The following CHD9 variants were observed in gnomAD, a reference collection of about 807,000 sequenced individuals.
The protein encoded by CHD9 is chromodomain helicase DNA binding protein 9.
In CHD9, 77 loss-of-function variants were observed where a neutral mutation model predicts 316.1. The ratio of observed to expected loss-of-function variants is 0.24; its 90% CI spans 0.20 to 0.29. The LOEUF (loss-of-function observed/expected upper bound fraction) is 0.29. Ranked by LOEUF, CHD9 falls within the 10% of genes least tolerant of loss-of-function variation. The probability of loss-of-function intolerance (pLI) is 1.00; values close to 1 mark genes in which losing one functional copy is unlikely to be tolerated. For missense variants in CHD9, 2,763 were observed against 3,438.1 expected, an observed-to-expected ratio of 0.80 and a Z score of 4.91; for synonymous variants, 1,129 against 1,158.3, an observed-to-expected ratio of 0.97 and a Z score of 0.51.
intron 24 of CHD9, among the ~76,000 whole-genome samples, chr16:53,279,789 T>G (rs1474387789): frequency 1.3e-5 from 2 of 151,552 alleles, no homozygotes; most frequent in Non-Finnish European, 2.9e-5. Flanking sequence ...GACAAAGGAC[T>G]ACTAATATCC....
intron 2 of CHD9, among the ~76,000 whole-genome samples, chr16:53,160,241 G>T (rs1246603411): frequency 2.0e-5 from 3 of 152,116 alleles, no homozygotes; most frequent in Non-Finnish European, 4.4e-5. Context: ...ATTCTCCTAA[G>T]ACTTTATCAT....
At chr16:53,213,832 T>C (rs2046524395) in intron 3 of CHD9, among the ~76,000 whole-genome samples, 3 of 152,216 alleles carry the variant, frequency 2.0e-5, no homozygotes. Flanking sequence ...TGCTTTTGGT[T>C]ACTTAAAAAT....
In CHD9 at chr16:53,325,924, G is replaced by A. The variant is rs957383751; in HGVS notation, c.*1029G>A. On this transcript the variant is annotated 3_prime_UTR_variant, in exon 39 of 39. Transcript: ENST00000447540. ...GATAATAGTGGTAAAGTAATATGCAGATAGTCTAAATTCATTTTGAGTTTC... is the reference window on the plus strand; with the variant it reads ...GATAATAGTGGTAAAGTAATATGCAAATAGTCTAAATTCATTTTGAGTTTC... 6.6e-6 allele frequency: 1 copy of A among 152,528 alleles called. No homozygotes were observed. The highest frequency in any genetic ancestry group is 1.5e-5 in the Non-Finnish European group (1 of 67,964). 9.4% of individuals were successfully genotyped at this position (152,528 alleles called of 1,614,324 possible). A position where few individuals can be genotyped will look rare whatever the true frequency, so the allele number is the denominator to read the frequency against.
intron 19 of CHD9, among the ~76,000 whole-genome samples, chr16:53,261,475 G>C (rs2051123850): frequency 6.9e-6 from 1 of 145,736 alleles, no homozygotes; most frequent in Non-Finnish European, 1.5e-5. Flanking sequence ...CTGGGGTCAA[G>C]TGACCCACCC....
intron 2 of CHD9, among the ~76,000 whole-genome samples, chr16:53,205,388 T>G (rs1324832960): frequency 6.6e-6 from 1 of 152,010 alleles, no homozygotes; most frequent in Non-Finnish European, 1.5e-5. Flanking sequence ...AGAAAGTTAA[T>G]AAAGCAGGAG....
intron 18 of CHD9, 148 bp downstream of exon 18, chr16:53,254,753 T>C: frequency 1.8e-6 from 1 of 550,228 alleles, no homozygotes; most frequent in Non-Finnish European, 3.1e-6. Context: ...AGAGCTATGT[T>C]TAGTTAATAC....
chr16:53,213,579 A>G (rs1280572722), intron 3 of CHD9, among the ~76,000 whole-genome samples: 1 of 152,224 alleles, frequency 6.6e-6, no homozygotes, highest in Non-Finnish European at 1.5e-5. Context: ...ACAGGGATAT[A>G]ACTAATAGTT....
At chr16:53,147,114 A>G (rs73599555) in intron 1 of CHD9, among the ~76,000 whole-genome samples, 7 of 152,122 alleles carry the variant, frequency 4.6e-5, no homozygotes, top group African/African-American at 1.7e-4. Flanking sequence ...TTAAGATAAT[A>G]TGTAAACTAT....
chr16:53,311,835 T>C (rs1217831778), intron 34 of CHD9: 1 of 152,238 alleles, frequency 6.6e-6, no homozygotes, highest in Non-Finnish European at 1.5e-5. Flanking sequence ...TAAAATGAGC[T>C]TAATAATCCC....
At position 53,227,864 on chromosome 16, in the gene CHD9, T is replaced by C. The variant is rs549842943; in HGVS notation, c.2168+261T>C. 1.8e-3 allele frequency among the ~76,000 whole-genome samples: 269 copies of C among 152,134 alleles called. 3 individuals are homozygous for C. The highest frequency in any genetic ancestry group is 6.1e-3 in the African/African-American group (254 of 41,512). ...ACTTTGGGAGGCCAAGGCGGTCATA[T>C]CACGAGGTGAAGAGATCGAGACCAT... is the stretch of plus-strand genomic sequence containing the variant. On this transcript the variant is annotated intron_variant, in intron 7 of 38. Transcript: ENST00000447540.
intron 1 of CHD9, among the ~76,000 whole-genome samples, chr16:53,127,106 C>T (rs553883988): frequency 3.9e-5 from 6 of 152,310 alleles, no homozygotes; most frequent in African/African-American, 1.2e-4. Flanking sequence ...AGGAACATGC[C>T]ACCATGCCCA....
At chr16:53,289,298 G>A (rs2054135245) in intron 27 of CHD9, among the ~76,000 whole-genome samples, 1 of 152,174 alleles carries the variant, frequency 6.6e-6, no homozygotes, top group Non-Finnish European at 1.5e-5. Context: ...GCTCACGCCT[G>A]TAATCCCAGC....
intron 1 of CHD9, among the ~76,000 whole-genome samples, chr16:53,107,438 C>T (rs1299617571): frequency 1.4e-5 from 2 of 147,572 alleles, no homozygotes; most frequent in African/African-American, 5.1e-5. Context: ...CCAGCCTGGG[C>T]AACAGAGTGA....
chr16:53,208,285 A>C, intron 2 of CHD9: 1 of 1,271,542 alleles, frequency 7.9e-7, no homozygotes, highest in African/African-American at 1.5e-5. Flanking sequence ...GGTGGTGAAA[A>C]AGCAGAGGGC....
chr16:53,132,512 C>G (rs1036679758), intron 1 of CHD9, among the ~76,000 whole-genome samples: 2 of 152,206 alleles, frequency 1.3e-5, no homozygotes, highest in South Asian at 4.1e-4. Context: ...ACCACTAGGT[C>G]TGCAAACACT....
intron 2 of CHD9, among the ~76,000 whole-genome samples, chr16:53,174,684 G>C (rs534964473): frequency 4.6e-5 from 7 of 152,224 alleles, no homozygotes; most frequent in South Asian, 4.1e-4. Context: ...TCATGGCTCT[G>C]TGCAGCTTCA....
chr16:53,074,623 C>T (rs1350372941), intron 1 of CHD9, among the ~76,000 whole-genome samples: 1 of 152,198 alleles, frequency 6.6e-6, no homozygotes, highest in African/African-American at 2.4e-5. Flanking sequence ...TGAAAGGGGT[C>T]AATGTAGAGC....
At chr16:53,323,063 A>G (rs2057377870) in intron 38 of CHD9, among the ~76,000 whole-genome samples, 1 of 152,226 alleles carries the variant, frequency 6.6e-6, no homozygotes, top group South Asian at 2.1e-4. Context: ...TGTCACAAAC[A>G]GTAGCCCCTC....
At chr16:53,099,700 C>A (rs1308105362) in intron 1 of CHD9, among the ~76,000 whole-genome samples, 3 of 152,214 alleles carry the variant, frequency 2.0e-5, no homozygotes, top group African/African-American at 7.2e-5. Context: ...CGCTGAGTCA[C>A]ACACCTCCCA....
Sources: allele counts gnomAD v4.1 joint callset (sites outside exome capture counted in the v4.1 genomes callset), GRCh38; gene constraint gnomAD v4.1.1; transcripts MANE v1.5; gene names NCBI Gene and HGNC (gene_info 2026-07-23, HGNC 2026-07-21).